The following CENPP variants were observed in gnomAD, a reference collection of about 807,000 sequenced individuals.
CENPP encodes centromere protein P.
In CENPP, 24 loss-of-function variants were observed where a neutral mutation model predicts 35.6. The observed-to-expected ratio is 0.67, with a 90% CI of 0.49 to 0.95. CENPP has a LOEUF of 0.95. Ranked by LOEUF, CENPP falls within the 40% of genes least tolerant of loss-of-function variation. The pLI is 0.00. For synonymous variants in CENPP, 120 were observed against 125.5 expected, an observed-to-expected ratio of 0.96 and a Z score of 0.29; for missense variants, 332 against 345.3, an observed-to-expected ratio of 0.96 and a Z score of 0.31.
At chr9:92,600,414 C>G in intron 5 of CENPP, 1 of 1,611,514 alleles carries the variant, frequency 6.2e-7, no homozygotes, top group East Asian at 2.2e-5. Flanking sequence ...TCTGGGTTTC[C>G]CTGGTTCTTC....
intron 1 of CENPP, among the ~76,000 whole-genome samples, chr9:92,326,894 A>C (rs1840545332): frequency 1.3e-5 from 2 of 152,220 alleles, no homozygotes; most frequent in Admixed American, 6.5e-5. Flanking sequence ...ATTTTTCCTG[A>C]GCTAACTGGA....
intron 5 of CENPP, among the ~76,000 whole-genome samples, chr9:92,406,340 TA>T (rs914919434): frequency 6.6e-6 from 1 of 152,220 alleles, no homozygotes; most frequent in African/African-American, 2.4e-5. Context: ...TATATCCTGC[TA>T]AAGTATTTGG....
chr9:92,440,642 G>T (rs555693467), intron 5 of CENPP, among the ~76,000 whole-genome samples: 26 of 152,276 alleles, frequency 1.7e-4, no homozygotes, highest in South Asian at 1.0e-3. Context: ...GAAGGAAAAA[G>T]AAACTAGTTT....
chr9:92,541,865 C>T (rs1201840113), intron 5 of CENPP, among the ~76,000 whole-genome samples: 1 of 152,108 alleles, frequency 6.6e-6, no homozygotes, highest in Non-Finnish European at 1.5e-5. Context: ...GCAATCTCGG[C>T]TCACTGCAAC....
chr9:92,414,411 G>T, intron 5 of CENPP: 1 of 205,068 alleles, frequency 4.9e-6, no homozygotes. Context: ...CATTGTTTAG[G>T]ATAGTTGCTG....
chr9:92,558,385 C>T (rs1849773029), intron 5 of CENPP, among the ~76,000 whole-genome samples: 1 of 152,156 alleles, frequency 6.6e-6, no homozygotes, highest in Non-Finnish European at 1.5e-5. Context: ...TTCCTGTGAG[C>T]CAAACTACAG....
intron 4 of CENPP, among the ~76,000 whole-genome samples, chr9:92,376,703 G>A (rs147641729): frequency 2.2e-4 from 34 of 152,262 alleles, no homozygotes; most frequent in South Asian, 1.0e-3. Context: ...CTGGGCCAGC[G>A]CCATGTTGCC....
chr9:92,478,705 G>A (rs1167628075), intron 5 of CENPP, among the ~76,000 whole-genome samples: 2 of 151,952 alleles, frequency 1.3e-5, no homozygotes, highest in Non-Finnish European at 2.9e-5. Context: ...CACCCATCTC[G>A]GCCTCCCAAA....
At chr9:92,434,060 A>G (rs1186312977) in intron 5 of CENPP, among the ~76,000 whole-genome samples, 1 of 152,214 alleles carries the variant, frequency 6.6e-6, no homozygotes, top group Admixed American at 6.5e-5. Flanking sequence ...GATTGAAGTC[A>G]GTATACAAAA....
chr9:92,507,990 C>A (rs767890853), intron 5 of CENPP, among the ~76,000 whole-genome samples: 2 of 152,204 alleles, frequency 1.3e-5, no homozygotes, highest in Non-Finnish European at 1.5e-5. Context: ...CATCTTTGTG[C>A]TGTTTTCTCT....
chr9:92,514,543 G>C, intron 5 of CENPP: 1 of 1,482,516 alleles, frequency 6.7e-7, no homozygotes, highest in South Asian at 1.5e-5. Flanking sequence ...TCAAAGTGCT[G>C]AGATTATAGG....
In CENPP at chr9:92,545,870, T is replaced by C. The variant is rs566135032; in HGVS notation, c.565-65444T>C. ...AAGGTTTGGTAAATGCACCAATCAGTGTTCTGTGTCTAGCTGATCTGGTGG... is the reference window on the plus strand; with the variant it reads ...AAGGTTTGGTAAATGCACCAATCAGCGTTCTGTGTCTAGCTGATCTGGTGG... On this transcript the variant is annotated intron_variant, in intron 5 of 7. Coordinates refer to ENST00000375587, the MANE Select transcript of CENPP (RefSeq NM_001012267.3). Among the ~76,000 whole-genome samples, 10 of 151,996 alleles carry C rather than the reference T, an allele frequency of 6.6e-5. No individual in the cohort carries two copies. The South Asian group carries it at 2.1e-3, about 32-fold the overall frequency.
intron 5 of CENPP, among the ~76,000 whole-genome samples, chr9:92,454,071 C>T (rs1360003839): frequency 2.6e-5 from 4 of 152,126 alleles, no homozygotes. Context: ...AATAGTAAGT[C>T]ACTTGTTTTC....
intron 5 of CENPP, chr9:92,417,372 C>T: frequency 6.2e-7 from 1 of 1,614,062 alleles, no homozygotes; most frequent in Non-Finnish European, 8.5e-7. Context: ...CATTCACTGA[C>T]ACAGCCTAAA....
At chr9:92,360,194 G>A (rs865984063) in intron 4 of CENPP, among the ~76,000 whole-genome samples, 1 of 151,994 alleles carries the variant, frequency 6.6e-6, no homozygotes, top group African/African-American at 2.4e-5. Context: ...GCTGCTGTGG[G>A]GATTATAACA....
At chr9:92,450,849 A>G (rs1362051402) in intron 5 of CENPP, among the ~76,000 whole-genome samples, 2 of 152,172 alleles carry the variant, frequency 1.3e-5, no homozygotes, top group South Asian at 2.1e-4. Context: ...ATGGTCAGTG[A>G]TGGTGAGCAT....
Position 92,419,626 on chromosome 9 carries a change from C to T in CENPP, c.564+39767C>T, listed in dbSNP as rs939179393. ...CTTGTGTCATATCTTGCCTGCTTATCCGCCTGGTCGTTGTTAGCATTGTAT... is the reference window on the plus strand; with the variant it reads ...CTTGTGTCATATCTTGCCTGCTTATTCGCCTGGTCGTTGTTAGCATTGTAT... On this transcript the variant is annotated intron_variant, in intron 5 of 7. Transcript: ENST00000375587. Among the ~76,000 whole-genome samples, 9 of 152,252 alleles carry T rather than the reference C, an allele frequency of 5.9e-5. No homozygotes were observed. In the East Asian group the frequency reaches 1.7e-3, roughly 29 times the overall value.
chr9:92,417,311 A>C, intron 5 of CENPP: 1 of 1,614,070 alleles, frequency 6.2e-7, no homozygotes, highest in African/African-American at 1.3e-5. Context: ...GATAGTCTTG[A>C]GTTTGCGATT....
At chr9:92,430,427 CTT>C (rs532075673) in intron 5 of CENPP, among the ~76,000 whole-genome samples, 3 of 142,956 alleles carry the variant, frequency 2.1e-5, no homozygotes, top group African/African-American at 2.6e-5. Context: ...TCTTCTCTCT[CTT>C]TTTTTTTTTT....
Sources: allele counts gnomAD v4.1 joint callset (sites outside exome capture counted in the v4.1 genomes callset), GRCh38; gene constraint gnomAD v4.1.1; transcripts MANE v1.5; gene names NCBI Gene and HGNC (gene_info 2026-07-23, HGNC 2026-07-21).